The following SH3BP2 variants were observed in gnomAD, a reference collection of about 807,000 sequenced individuals.
The protein encoded by SH3BP2 is SH3 domain binding protein 2.
A neutral mutation model predicts 56.2 loss-of-function variants in SH3BP2; 38 were observed. The observed-to-expected ratio is 0.68, with a 90% CI of 0.52 to 0.89. SH3BP2 has a LOEUF of 0.89. Among genes scored for constraint, SH3BP2 ranks in the 40% least tolerant of loss-of-function variants. The pLI, the probability that SH3BP2 is intolerant of heterozygous loss-of-function variation, is 0.00. For missense variants in SH3BP2, 748 were observed against 762.6 expected, an observed-to-expected ratio of 0.98 and a Z score of 0.23; for synonymous variants, 346 against 316.7, an observed-to-expected ratio of 1.09 and a Z score of -0.98.
intron 1 of SH3BP2, among the ~76,000 whole-genome samples, chr4:2,794,591 C>A (rs1723002079): frequency 6.6e-6 from 1 of 152,202 alleles, no homozygotes; most frequent in South Asian, 2.1e-4. Flanking sequence ...AGGGGGCAGG[C>A]AGAAGGAAGA....
rs572830530 is a variant in SH3BP2, at chr4:2,804,969, G to C, written c.-5+11831G>C. On this transcript the variant is annotated intron_variant, in intron 1 of 12. Coordinates refer to ENST00000503393, the MANE Select transcript of SH3BP2 (RefSeq NM_001122681.2). ...AGCGGGCACAGAGCTGGCGCACTCA[G>C]AACACAGTGGACATTTCCTTGGGGG... Among the ~76,000 whole-genome samples the C allele has an allele frequency of 5.9e-5, 9 of 152,358 alleles. No individual in the cohort carries two copies. The South Asian group carries it at 1.9e-3, about 32-fold the overall frequency.
intron 11 of SH3BP2, 109 bp from the exon 12 acceptor site, chr4:2,832,881 A>C: frequency 1.8e-6 from 2 of 1,133,110 alleles, no homozygotes; most frequent in Non-Finnish European, 1.3e-6. Flanking sequence ...CCCGAGGGCC[A>C]CAGGACCCAG....
rs772225297 is a variant in SH3BP2, at chr4:2,829,480, CT to C, written c.587-10del. 100 of 1,613,556 alleles carry C rather than the reference CT, an allele frequency of 6.2e-5. No individual in the cohort carries two copies. The East Asian group carries it at 2.2e-3, about 36-fold the overall frequency. ...CTCTGTCAGGGTCCAACCCGGGTCT[CT>C]TTGCTCTGCAGATGCCCTGATGCAC... On this transcript the variant is annotated splice_polypyrimidine_tract_variant and intron_variant, in intron 7 of 12. Transcript: ENST00000503393. The surrounding 1 kb of genome is among the most constrained non-coding windows in gnomAD (Gnocchi z 4.9).
At chr4:2,820,313 G>C (rs1724230626) in intron 1 of SH3BP2, among the ~76,000 whole-genome samples, 1 of 152,166 alleles carries the variant, frequency 6.6e-6, no homozygotes, top group Admixed American at 6.5e-5. Flanking sequence ...GGGGCCTTGC[G>C]CTCAGTGGCT....
At chr4:2,823,357 C>A in intron 3 of SH3BP2, 1 of 492,168 alleles carries the variant, frequency 2.0e-6, no homozygotes, top group Non-Finnish European at 4.0e-6. Context: ...CTCCTCCCTC[C>A]CCACCTTGCC....
At chr4:2,799,955 C>G (rs1436984595) in intron 1 of SH3BP2, among the ~76,000 whole-genome samples, 1 of 151,916 alleles carries the variant, frequency 6.6e-6, no homozygotes, top group Non-Finnish European at 1.5e-5. Flanking sequence ...TGTTTTCAAG[C>G]TTACTCTGGG....
At chr4:2,821,635 C>T (rs1422561876) in intron 2 of SH3BP2, among the ~76,000 whole-genome samples, 1 of 152,174 alleles carries the variant, frequency 6.6e-6, no homozygotes, top group Admixed American at 6.5e-5. Context: ...TCATGGCTCA[C>T]TGCAGCCTCA....
At chr4:2,832,804 C>A (rs1471712767) in intron 11 of SH3BP2, among the ~76,000 whole-genome samples, 186 bp from the exon 12 acceptor site, 1 of 151,640 alleles carries the variant, frequency 6.6e-6, no homozygotes, top group East Asian at 1.9e-4. Flanking sequence ...TCATCAGAGG[C>A]TCTCTGAGGG....
Position 2,831,254 on chromosome 4 carries a change from G to A in SH3BP2, c.1242-317G>A, listed in dbSNP as rs1333297470. ...AGTGGGCTGTGATTTGGCCATGACC[G>A]GACCTCCCCTCCCCACGAGCATCCA... On this transcript the variant is annotated intron_variant, in intron 8 of 12. Coordinates refer to ENST00000503393, the MANE Select transcript of SH3BP2 (RefSeq NM_001122681.2). This position sits in a 1 kb window ranked among gnomAD's most constrained non-coding sequence, Gnocchi z 4.1. 2.6e-5 allele frequency among the ~76,000 whole-genome samples: 4 copies of A among 152,174 alleles called. No individual in the cohort carries two copies. The highest frequency in any genetic ancestry group is 2.9e-5 in the Non-Finnish European group (2 of 68,030).
intron 1 of SH3BP2, chr4:2,799,092 A>G (rs1234380023): frequency 1.0e-6 from 1 of 985,142 alleles, no homozygotes; most frequent in Non-Finnish European, 1.2e-6. Context: ...CTCAGCCTCC[A>G]CCCGCCACCC....
chr4:2,814,497 T>TGC (rs1723905678), intron 1 of SH3BP2, among the ~76,000 whole-genome samples: 2 of 144,968 alleles, frequency 1.4e-5, no homozygotes, highest in African/African-American at 5.6e-5. Context: ...AATGTGCATG[T>TGC]GCACACACAC....
Position 2,832,370 on chromosome 4 carries a change from T to C in SH3BP2, c.1446T>C (p.Asp482=). The change falls in exon 11 of 13, where the codon GAT becomes GAC. Residue 482 remains aspartate, a synonymous_variant. Transcript: ENST00000503393. ...CAAGCCCCCGGGGAGAGCCCCAGGA[T>C]GGACTCTACTGCATCCGGAACTCCT... is the stretch of plus-strand genomic sequence containing the variant. The part of the protein sequence containing the change: ...KATSPRGEPQ[D]GLYCIRNSST... 1 of 1,614,102 alleles carries C rather than the reference T, an allele frequency of 6.2e-7. No homozygotes were observed.
chr4:2,828,246 A>C, intron 7 of SH3BP2, among the ~76,000 whole-genome samples: 1 of 150,974 alleles, frequency 6.6e-6, no homozygotes. Context: ...TCATCTTGTC[A>C]ATTTCCTCAT....
chr4:2,840,276 C>G lies in SH3BP2; in HGVS notation c.*6442C>G, dbSNP rs557311217. The G allele has an allele frequency of 6.6e-6, 1 of 150,756 alleles. No homozygotes were observed. The highest frequency in any genetic ancestry group is 2.1e-4 in the South Asian group (1 of 4,760). 9.3% of individuals were successfully genotyped at this position (150,756 alleles called of 1,614,324 possible). A position where few individuals can be genotyped will look rare whatever the true frequency, so the allele number is the denominator to read the frequency against. ...AAAAGAAAACCACTGAAATTATTTCCACTCCAAGGTCATGAAGATAGTCTC... is the reference window on the plus strand; with the variant it reads ...AAAAGAAAACCACTGAAATTATTTCGACTCCAAGGTCATGAAGATAGTCTC... On this transcript the variant is annotated 3_prime_UTR_variant, in exon 13 of 13. Coordinates refer to ENST00000503393, the MANE Select transcript of SH3BP2 (RefSeq NM_001122681.2).
chr4:2,822,898 T>C (rs1293639908), intron 2 of SH3BP2, 37 bp from the exon 3 acceptor site: 1 of 1,559,834 alleles, frequency 6.4e-7, no homozygotes, highest in Non-Finnish European at 8.8e-7. Flanking sequence ...CAGCTGCCCC[T>C]CCAGGCTCAC....
chr4:2,826,903 G>T (rs62645794), intron 5 of SH3BP2: 129,310 of 538,426 alleles, frequency 0.24, 18,116 homozygotes, highest in East Asian at 0.46. Context: ...CTGTGTCTTT[G>T]TGTATATATA....
rs151048521 is a variant in SH3BP2, at chr4:2,833,802, C to G, written c.1654C>G (p.Arg552Gly). 6 of 1,590,116 alleles carry G rather than the reference C, an allele frequency of 3.8e-6. No individual in the cohort carries two copies. In the African/African-American group the frequency reaches 5.4e-5, roughly 14 times the overall value. Residue 552 changes from arginine to glycine, a missense_variant, in exon 13 of 13, where the codon CGG becomes GGG. Coordinates refer to ENST00000503393, the MANE Select transcript of SH3BP2 (RefSeq NM_001122681.2). ...VLPSHQSLLLRHPYGYTGPR is the reference protein window; with the variant it reads ...VLPSHQSLLLGHPYGYTGPR ...GCCCAGCCACCAGAGCCTGCTGCTG[C>G]GGCACCCCTACGGCTACACTGGGCC... is the stretch of plus-strand genomic sequence containing the variant.
In SH3BP2 at chr4:2,799,339, G is replaced by A. The variant is rs941303972; in HGVS notation, c.-5+6201G>A. On this transcript the variant is annotated intron_variant, in intron 1 of 12. Coordinates refer to ENST00000503393, the MANE Select transcript of SH3BP2 (RefSeq NM_001122681.2). Reference sequence around the variant, plus strand: ...GGGCCCTGGGTGTGTAAAGTGGAGGGAGGGGCAGTGGCCACCTCTGAGCCC... The same window carrying A: ...GGGCCCTGGGTGTGTAAAGTGGAGGAAGGGGCAGTGGCCACCTCTGAGCCC... 3 of 979,574 alleles carry A rather than the reference G, an allele frequency of 3.1e-6. No individual in the cohort carries two copies. In the African/African-American group the frequency reaches 5.3e-5, roughly 17 times the overall value. 60.7% of individuals were successfully genotyped at this position (979,574 alleles called of 1,614,324 possible). A position where few individuals can be genotyped will look rare whatever the true frequency, so the allele number is the denominator to read the frequency against.
chr4:2,815,843 CA>C (rs1305781790), intron 1 of SH3BP2, among the ~76,000 whole-genome samples: 1 of 152,146 alleles, frequency 6.6e-6, no homozygotes, highest in Admixed American at 6.6e-5. Context: ...AGACAATGAC[CA>C]ACTAGTGTGG....
Sources: allele counts gnomAD v4.1 joint callset (sites outside exome capture counted in the v4.1 genomes callset), GRCh38; gene constraint gnomAD v4.1.1; non-coding constraint Gnocchi (gnomAD v3.1); transcripts MANE v1.5; gene names NCBI Gene and HGNC (gene_info 2026-07-23, HGNC 2026-07-21).